The following CNEP1R1 variants were observed in gnomAD, a reference collection of about 807,000 sequenced individuals.
The protein encoded by CNEP1R1 is CTD nuclear envelope phosphatase 1 regulatory subunit 1, also known as nuclear envelope phosphatase-regulatory subunit 1.
Under a neutral mutation model 22.7 loss-of-function variants are expected in CNEP1R1, and 10 were observed. The ratio of observed to expected loss-of-function variants is 0.44; its 90% CI spans 0.27 to 0.75. CNEP1R1 has a LOEUF of 0.75. Among genes scored for constraint, CNEP1R1 ranks in the 30% least tolerant of loss-of-function variants. The pLI is 0.17. For missense variants in CNEP1R1, 73 were observed against 151.5 expected, an observed-to-expected ratio of 0.48 and a Z score of 2.72; for synonymous variants, 53 against 50.1, an observed-to-expected ratio of 1.06 and a Z score of -0.25.
chr16:50,035,205 A>G (rs1200258270), intron 5 of CNEP1R1, among the ~76,000 whole-genome samples: 1 of 152,208 alleles, frequency 6.6e-6, no homozygotes, highest in East Asian at 1.9e-4. Context: ...TGAAAAGAGG[A>G]GAAAAAAAGA....
chr16:50,025,537 CA>C, intron 1 of CNEP1R1, 197 bp downstream of exon 1: 2 of 1,174,756 alleles, frequency 1.7e-6, no homozygotes, highest in Non-Finnish European at 2.4e-6. Context: ...TGAGTCCCCA[CA>C]AACCTAGAGG....
intron 2 of CNEP1R1, among the ~76,000 whole-genome samples, chr16:50,028,557 T>C (rs1028015636): frequency 6.6e-6 from 1 of 152,198 alleles, no homozygotes; most frequent in African/African-American, 2.4e-5. Context: ...CCAAAACCTA[T>C]GTTTCACTGT....
intron 2 of CNEP1R1, among the ~76,000 whole-genome samples, chr16:50,028,673 T>A (rs1439765211): frequency 2.6e-5 from 4 of 152,208 alleles, no homozygotes; most frequent in South Asian, 4.1e-4. Context: ...ACTTACTTGG[T>A]TAATGAACCA....
At chr16:50,027,000 A>G (rs1203192126) in intron 2 of CNEP1R1, 1 of 152,138 alleles carries the variant, frequency 6.6e-6, no homozygotes, top group Non-Finnish European at 1.5e-5. Context: ...AAATATTTAA[A>G]TTTTTGAATT....
chr16:50,030,791 A>G (rs2036224730), intron 3 of CNEP1R1, among the ~76,000 whole-genome samples: 1 of 152,218 alleles, frequency 6.6e-6, no homozygotes, highest in African/African-American at 2.4e-5. Flanking sequence ...TGGGCTAGCA[A>G]AGCTTTTCTT....
chr16:50,031,397 T>C (rs924880058), intron 3 of CNEP1R1, among the ~76,000 whole-genome samples: 2 of 152,120 alleles, frequency 1.3e-5, no homozygotes, highest in African/African-American at 2.4e-5. Context: ...CAGGAAACTC[T>C]CTTGTGTGTT....
chr16:50,025,874 A>C (rs1331459823), intron 1 of CNEP1R1: 6 of 604,122 alleles, frequency 9.9e-6, no homozygotes, highest in Middle Eastern at 4.4e-4. Context: ...ATGTCTTTCC[A>C]CACCCACTCG....
intron 1 of CNEP1R1, 73 bp downstream of exon 1, chr16:50,025,413 G>C: frequency 7.3e-7 from 1 of 1,367,518 alleles, no homozygotes; most frequent in Non-Finnish European, 9.6e-7. Context: ...AGCCGGCGTC[G>C]TGAAGACCCC....
Position 50,025,779 on chromosome 16 carries a change from A to C in CNEP1R1, c.25+439A>C. The C allele has an allele frequency of 1.6e-6, 2 of 1,230,252 alleles. 1 individual carries two copies. Among genetic ancestry groups the C allele is most frequent in the South Asian group, 2.4e-5 (2 of 82,586 alleles). The allele number at this position is 1,230,252 out of a possible 1,614,324, so 76.2% of individuals were successfully genotyped here. On this transcript the variant is annotated intron_variant, in intron 1 of 5. Coordinates refer to ENST00000427478, the MANE Select transcript of CNEP1R1 (RefSeq NM_001281789.2). ...GGATACCCCACCACTCACTCGGAGC[A>C]GCTTAGACGCCCCTGTCTTCTAGAA...
chr16:50,031,694 C>A (rs2036232261), intron 3 of CNEP1R1, among the ~76,000 whole-genome samples: 1 of 152,132 alleles, frequency 6.6e-6, no homozygotes, highest in Non-Finnish European at 1.5e-5. Context: ...TATTTAATAA[C>A]CCCAAACCTG....
At position 50,034,123 on chromosome 16, in the gene CNEP1R1, G is replaced by A. The variant is rs772216625; in HGVS notation, c.303G>A (p.Thr101=). 1.1e-5 allele frequency: 18 copies of A among 1,593,078 alleles called. No homozygotes were observed. Among genetic ancestry groups the A allele is most frequent in the East Asian group, 6.8e-5 (3 of 44,442 alleles). The part of the protein sequence containing the change: ...APSIIAARCR[T]VLAEYNMSCD... ...TCAGTATAGCTGCTCGATGTCGAAC[G>A]GTATTAGCAGAATACAATATGTCTT... The change falls in exon 5 of 6, where the codon ACG becomes ACA. Residue 101 remains threonine (T), a synonymous_variant. Coordinates refer to ENST00000427478, the MANE Select transcript of CNEP1R1 (RefSeq NM_001281789.2).
At chr16:50,032,085 C>T (rs145854595) in intron 3 of CNEP1R1, among the ~76,000 whole-genome samples, 1 of 152,314 alleles carries the variant, frequency 6.6e-6, no homozygotes, top group Non-Finnish European at 1.5e-5. Context: ...CTTCATCTGA[C>T]AAACTTCTGT....
chr16:50,035,643 T>G lies in CNEP1R1; in HGVS notation c.*185T>G. 1.8e-6 allele frequency: 1 copy of G among 541,912 alleles called. No homozygotes were observed. Among genetic ancestry groups the G allele is most frequent in the South Asian group, 2.5e-5 (1 of 39,468 alleles). The allele number at this position is 541,912 out of a possible 1,614,324, so 33.6% of individuals were successfully genotyped here. On this transcript the variant is annotated 3_prime_UTR_variant, in exon 6 of 6. Transcript: ENST00000427478. ...TGACTCATTATCAGTGCTTTGGTACTTTTGATTACCTGTGTTTCAGTATTA... is the reference window on the plus strand; with the variant it reads ...TGACTCATTATCAGTGCTTTGGTACGTTTGATTACCTGTGTTTCAGTATTA...
At chr16:50,026,526 T>C (rs1437574957) in intron 2 of CNEP1R1, 59 bp downstream of exon 2, 5 of 1,213,778 alleles carry the variant, frequency 4.1e-6, no homozygotes, top group Non-Finnish European at 6.0e-6. Context: ...TATCCTAATA[T>C]AGGAATGATT....
rs2036284808 is a variant in CNEP1R1, at chr16:50,036,935, T to C, written c.*1477T>C. On this transcript the variant is annotated 3_prime_UTR_variant, in exon 6 of 6. Coordinates refer to ENST00000427478, the MANE Select transcript of CNEP1R1 (RefSeq NM_001281789.2). ...ATGTGTTCATCTTAGCTTTCACTTG[T>C]ATAAAATTTGATTCTTTGAACTGCA... The C allele has an allele frequency of 6.5e-6, 1 of 152,676 alleles. No homozygotes were observed. The highest frequency in any genetic ancestry group is 2.1e-4 in the South Asian group (1 of 4,834). 9.5% of individuals were successfully genotyped at this position (152,676 alleles called of 1,614,324 possible). A position where few individuals can be genotyped will look rare whatever the true frequency, so the allele number is the denominator to read the frequency against.
At position 50,025,811 on chromosome 16, in the gene CNEP1R1, G is replaced by A. The variant is rs527771711; in HGVS notation, c.25+471G>A. On this transcript the variant is annotated intron_variant, in intron 1 of 5. Coordinates refer to ENST00000427478, the MANE Select transcript of CNEP1R1 (RefSeq NM_001281789.2). ...ACGCCCCTGTCTTCTAGAACTAGGC[G>A]CTGCCTGGGTGCCACGAAGATCACC... 153 of 904,896 alleles carry A rather than the reference G, an allele frequency of 1.7e-4. No homozygotes were observed. In the African/African-American group the frequency reaches 2.4e-3, roughly 14 times the overall value. The allele number at this position is 904,896 out of a possible 1,614,324, so 56.1% of individuals were successfully genotyped here. A position where few individuals can be genotyped will look rare whatever the true frequency, so the allele number is the denominator to read the frequency against.
intron 2 of CNEP1R1, 120 bp from the exon 3 acceptor site, chr16:50,029,605 T>C: frequency 1.8e-6 from 1 of 556,222 alleles, no homozygotes; most frequent in Non-Finnish European, 3.2e-6. Flanking sequence ...GTCTAGTTAG[T>C]GCATTTTCCA....
chr16:50,032,910 C>T (rs781743460), intron 3 of CNEP1R1, among the ~76,000 whole-genome samples: 1 of 151,532 alleles, frequency 6.6e-6, no homozygotes, highest in African/African-American at 2.4e-5. Context: ...GAGGGTGAGG[C>T]AGGAGAATTG....
At chr16:50,029,457 A>G (rs2036213692) in intron 2 of CNEP1R1, among the ~76,000 whole-genome samples, 2 of 152,238 alleles carry the variant, frequency 1.3e-5, no homozygotes, top group Non-Finnish European at 2.9e-5. Flanking sequence ...CTGAAGTGTC[A>G]CCATCGAATT....
Sources: gnomAD v4.1 joint callset for allele counts (sites outside exome capture counted in the v4.1 genomes callset) on GRCh38, gnomAD v4.1.1 for gene constraint, MANE v1.5 for transcripts, NCBI Gene and HGNC (gene_info 2026-07-23, HGNC 2026-07-21) for gene names.